The following ASTN2 variants were observed in gnomAD, a reference collection of about 807,000 sequenced individuals.
ASTN2 encodes the protein astrotactin-2.
In ASTN2, 54 loss-of-function variants were observed where a neutral mutation model predicts 139.8. The ratio of observed to expected loss-of-function variants is 0.39; its 90% CI spans 0.31 to 0.48. The LOEUF (loss-of-function observed/expected upper bound fraction) is 0.48, where lower values mean the gene tolerates loss of function less well. Among genes scored for constraint, ASTN2 ranks in the 20% least tolerant of loss-of-function variants. ASTN2 has a pLI of 0.95. For missense variants in ASTN2, 1,565 were observed against 1,725.1 expected, an observed-to-expected ratio of 0.91 and a Z score of 1.64; for synonymous variants, 756 against 719.5, an observed-to-expected ratio of 1.05 and a Z score of -0.81.
At chr9:117,193,473 A>C (rs1263197591) in intron 3 of ASTN2, among the ~76,000 whole-genome samples, 1 of 151,824 alleles carries the variant, frequency 6.6e-6, no homozygotes, top group Non-Finnish European at 1.5e-5. Context: ...CCCTGTCTCT[A>C]CTAAAAATAC....
intron 19 of ASTN2, among the ~76,000 whole-genome samples, chr9:116,548,594 T>A (rs1469784936): frequency 6.6e-6 from 1 of 151,544 alleles, no homozygotes; most frequent in African/African-American, 2.4e-5. Flanking sequence ...TGTCTCAGCC[T>A]CCTGAGTATC....
intron 3 of ASTN2, among the ~76,000 whole-genome samples, chr9:117,178,666 C>T (rs1830978080): frequency 6.6e-6 from 1 of 152,212 alleles, no homozygotes; most frequent in African/African-American, 2.4e-5. Flanking sequence ...GAATTCTGGC[C>T]TGCCTATCCT....
chr9:116,566,622 C>T (rs764702849), intron 19 of ASTN2, among the ~76,000 whole-genome samples: 17 of 152,264 alleles, frequency 1.1e-4, no homozygotes, highest in Middle Eastern at 3.4e-3. Context: ...ATTCACCATG[C>T]GGAAATCCAA....
intron 19 of ASTN2, among the ~76,000 whole-genome samples, chr9:116,566,151 C>T (rs1252421241): frequency 6.6e-6 from 1 of 152,216 alleles, no homozygotes; most frequent in African/African-American, 2.4e-5. Context: ...TTAGTCTTGT[C>T]TGGCCTTGAT....
Position 117,120,018 on chromosome 9 carries a change from G to GTGTGTGTGTGTATA in ASTN2, c.1168+21307_1168+21308insTATACACACACACA, listed in dbSNP as rs1306397698. Reference sequence around the variant, plus strand: ...TGTGTGTGTGTGTGTGTGTGTGTGTGTATATATATATATATATATATATAT... The same window carrying GTGTGTGTGTGTATA: ...TGTGTGTGTGTGTGTGTGTGTGTGTGTGTGTGTGTGTATATATATATATATATATATATATATAT... On this transcript the variant is annotated intron_variant, in intron 4 of 22. Transcript: ENST00000313400. Among the ~76,000 whole-genome samples the GTGTGTGTGTGTATA allele has an allele frequency of 6.7e-3, 310 of 45,958 alleles. 2 individuals carry two copies. The highest frequency in any genetic ancestry group is 0.01 in the Non-Finnish European group (262 of 25,518). The allele number at this position is 45,958 out of a possible 152,430, so 30.2% of individuals were successfully genotyped here.
intron 5 of ASTN2, among the ~76,000 whole-genome samples, chr9:117,073,163 C>T (rs923832161): frequency 2.7e-5 from 4 of 150,548 alleles, no homozygotes; most frequent in Admixed American, 6.7e-5. Flanking sequence ...AGTCGCTCTC[C>T]GATGAAAATA....
intron 16 of ASTN2, among the ~76,000 whole-genome samples, chr9:116,705,976 A>G (rs1195326407): frequency 6.6e-6 from 1 of 151,730 alleles, no homozygotes; most frequent in Non-Finnish European, 1.5e-5. Flanking sequence ...AATAATTCAA[A>G]TGGTTCTTTT....
At chr9:116,474,920 A>G (rs781473346) in intron 20 of ASTN2, among the ~76,000 whole-genome samples, 11 of 152,146 alleles carry the variant, frequency 7.2e-5, no homozygotes, top group Non-Finnish European at 1.6e-4. Flanking sequence ...AAGGAACCCT[A>G]AAGTAGAAAG....
At chr9:117,356,327 G>A (rs1587976842) in intron 1 of ASTN2, among the ~76,000 whole-genome samples, 2 of 152,334 alleles carry the variant, frequency 1.3e-5, no homozygotes. Flanking sequence ...GACACCTACT[G>A]TGTGCTGGTA....
intron 19 of ASTN2, among the ~76,000 whole-genome samples, chr9:116,568,091 C>G (rs534315406): frequency 6.6e-6 from 1 of 152,258 alleles, no homozygotes; most frequent in Admixed American, 6.5e-5. Flanking sequence ...TGGTAAAGGC[C>G]TAAGTATTCT....
At chr9:116,702,282 C>T (rs189506464) in intron 16 of ASTN2, among the ~76,000 whole-genome samples, 285 of 152,046 alleles carry the variant, frequency 1.9e-3, no homozygotes, top group African/African-American at 6.4e-3. Context: ...ATGGCTGTTA[C>T]TCTTTTATCT....
At chr9:116,431,634 A>C (rs908035707) in intron 22 of ASTN2, among the ~76,000 whole-genome samples, 1 of 152,230 alleles carries the variant, frequency 6.6e-6, no homozygotes, top group African/African-American at 2.4e-5. Context: ...TAGCAACAAA[A>C]GACAAGTGGG....
At chr9:117,039,479 T>C (rs2132647086) in intron 6 of ASTN2, among the ~76,000 whole-genome samples, 1 of 152,054 alleles carries the variant, frequency 6.6e-6, no homozygotes, top group South Asian at 2.1e-4. Flanking sequence ...ACCTGAAGCA[T>C]GCGGGGCTTA....
intron 16 of ASTN2, among the ~76,000 whole-genome samples, chr9:116,724,041 A>G (rs1415205829): frequency 6.6e-6 from 1 of 152,224 alleles, no homozygotes; most frequent in Non-Finnish European, 1.5e-5. Context: ...TGAGAAAGTC[A>G]AGTCTAAAGT....
rs141414264 is a variant in ASTN2, at chr9:116,586,812, T to TCACACACACA, written c.3355+31502_3355+31511dup. 1.5e-3 allele frequency among the ~76,000 whole-genome samples: 123 copies of TCACACACACA among 79,932 alleles called. 1 individual carries two copies. Among genetic ancestry groups the TCACACACACA allele is most frequent in the Middle Eastern group, 6.1e-3 (1 of 164 alleles). The allele number at this position is 79,932 out of a possible 152,430, so 52.4% of individuals were successfully genotyped here. ...AAAAATCTAAAATACCAGTTGAAAT[T>TCACACACACA]CACACACACACACATACATACACAC... On this transcript the variant is annotated intron_variant, in intron 19 of 22. Coordinates refer to ENST00000313400, the MANE Select transcript of ASTN2 (RefSeq NM_001365068.1).
At chr9:117,111,447 AC>A (rs1829247491) in intron 4 of ASTN2, among the ~76,000 whole-genome samples, 1 of 147,342 alleles carries the variant, frequency 6.8e-6, no homozygotes. Flanking sequence ...AAAAAAAAAA[AC>A]ACTGGATGGG....
chr9:116,568,488 G>A (rs915989051), intron 19 of ASTN2: 15 of 152,184 alleles, frequency 9.9e-5, no homozygotes, highest in African/African-American at 3.1e-4. Context: ...TGAATCGGTA[G>A]CCAAATCTCA....
Position 117,363,332 on chromosome 9 carries a change from T to A in ASTN2, c.442+51165A>T, listed in dbSNP as rs372581081. On this transcript the variant is annotated intron_variant, in intron 1 of 22. Transcript: ENST00000313400. Reference sequence around the variant, plus strand: ...CAGAAAGAGAAATAAAACAAATACTTTACACACATTATCTCATTTCGTTCT... The same window carrying A: ...CAGAAAGAGAAATAAAACAAATACTATACACACATTATCTCATTTCGTTCT... Among the ~76,000 whole-genome samples the A allele has an allele frequency of 7.2e-5, 11 of 152,272 alleles. No homozygotes were observed. In the East Asian group the frequency reaches 1.7e-3, roughly 24 times the overall value.
At chr9:117,193,350 T>A (rs1831398868) in intron 3 of ASTN2, among the ~76,000 whole-genome samples, 1 of 151,902 alleles carries the variant, frequency 6.6e-6, no homozygotes. Context: ...GTTAAGAAAG[T>A]CATTTCTGGC....
Sources: gnomAD v4.1 joint callset for allele counts (sites outside exome capture counted in the v4.1 genomes callset) on GRCh38, gnomAD v4.1.1 for gene constraint, MANE v1.5 for transcripts, NCBI Gene and HGNC (gene_info 2026-07-23, HGNC 2026-07-21) for gene names.